MAPK10: variants seen among roughly 807,000 people sequenced by gnomAD.
MAPK10 encodes the protein mitogen-activated protein kinase 10.
In MAPK10, 25 loss-of-function variants were observed where a neutral mutation model predicts 59.3. The observed-to-expected ratio is 0.42, with a 90% CI of 0.31 to 0.59. MAPK10 has a LOEUF of 0.59. Ranked by LOEUF, MAPK10 falls within the 20% of genes least tolerant of loss-of-function variation. The pLI, the probability that MAPK10 is intolerant of heterozygous loss-of-function variation, is 0.15. For synonymous variants in MAPK10, 190 were observed against 200.5 expected, an observed-to-expected ratio of 0.95 and a Z score of 0.44; for missense variants, 351 against 568.9, an observed-to-expected ratio of 0.62 and a Z score of 3.90.
intron 1 of MAPK10, among the ~76,000 whole-genome samples, chr4:86,464,930 T>G (rs1752066359): frequency 1.3e-5 from 2 of 152,248 alleles, no homozygotes; most frequent in Non-Finnish European, 2.9e-5. Flanking sequence ...TAGTTGCTAA[T>G]GCAATATCTA....
intron 1 of MAPK10, among the ~76,000 whole-genome samples, chr4:86,440,030 A>G (rs1749227221): frequency 1.3e-5 from 2 of 152,190 alleles, no homozygotes. Context: ...GTGGGAATAC[A>G]AATTTTTCTT....
intron 1 of MAPK10, among the ~76,000 whole-genome samples, chr4:86,579,460 G>A (rs1319961020): frequency 6.6e-6 from 1 of 151,198 alleles, no homozygotes; most frequent in African/African-American, 2.4e-5. Context: ...CATTTTTATA[G>A]TCTGAATCCT....
intron 1 of MAPK10, among the ~76,000 whole-genome samples, chr4:86,374,371 G>A (rs111925337): frequency 2.9e-4 from 44 of 152,070 alleles, no homozygotes; most frequent in African/African-American, 9.2e-4. Flanking sequence ...AAACCTGCAC[G>A]TTCTGCACAT....
At chr4:86,249,752 A>G (rs564469826) in intron 2 of MAPK10, among the ~76,000 whole-genome samples, 1 of 152,286 alleles carries the variant, frequency 6.6e-6, no homozygotes, top group East Asian at 1.9e-4. Flanking sequence ...TCCCATATTA[A>G]ATACTCTTTT....
chr4:86,529,150 T>C (rs1012348167), intron 1 of MAPK10, among the ~76,000 whole-genome samples: 1 of 152,218 alleles, frequency 6.6e-6, no homozygotes, highest in African/African-American at 2.4e-5. Flanking sequence ...TGGTAACCAC[T>C]AGTTTAGCCT....
intron 1 of MAPK10, among the ~76,000 whole-genome samples, chr4:86,482,360 G>A (rs756375820): frequency 1.4e-4 from 21 of 152,068 alleles, no homozygotes; most frequent in Non-Finnish European, 2.5e-4. Context: ...ACAATAGTCA[G>A]TCCACCAACA....
At chr4:86,285,908 C>T (rs1033303861) in intron 2 of MAPK10, among the ~76,000 whole-genome samples, 15 of 152,252 alleles carry the variant, frequency 9.9e-5, no homozygotes, top group Non-Finnish European at 2.2e-4. Context: ...GGATGGATAT[C>T]CGAGCTCAAA....
At chr4:86,048,124 C>T (rs1337667974) in intron 11 of MAPK10, among the ~76,000 whole-genome samples, 3 of 152,004 alleles carry the variant, frequency 2.0e-5, no homozygotes, top group African/African-American at 4.8e-5. Context: ...GAGAAGTGCT[C>T]AGCAGAGTAC....
At chr4:86,387,924 G>A (rs1001551235) in intron 1 of MAPK10, among the ~76,000 whole-genome samples, 3 of 150,938 alleles carry the variant, frequency 2.0e-5, no homozygotes, top group African/African-American at 7.3e-5. Context: ...CTAGAAAGTT[G>A]TCTCTTTAAA....
chr4:86,316,942 T>C (rs1041766212), intron 2 of MAPK10, among the ~76,000 whole-genome samples: 1 of 152,174 alleles, frequency 6.6e-6, no homozygotes, highest in Non-Finnish European at 1.5e-5. Context: ...AAAAAGCTTC[T>C]AATTAATACT....
chr4:86,155,798 C>T (rs2067597455), intron 4 of MAPK10, among the ~76,000 whole-genome samples: 1 of 152,038 alleles, frequency 6.6e-6, no homozygotes, highest in Non-Finnish European at 1.5e-5. Flanking sequence ...AAAGGAAGCA[C>T]TTTACTGCAT....
At position 86,481,289 on chromosome 4, in the gene MAPK10, G is replaced by C. The variant is rs557006465; in HGVS notation, c.-263+112621C>G. On this transcript the variant is annotated intron_variant, in intron 1 of 4. Coordinates refer to the MAPK10 transcript ENST00000502302. ...GAGACAGGAGGGCAGGAGAAAATCA[G>C]AGAGACCTTGCTTCAGAGGCCTTCT... Among the ~76,000 whole-genome samples, 6 of 152,234 alleles carry C rather than the reference G, an allele frequency of 3.9e-5. No homozygotes were observed. In the East Asian group the frequency reaches 1.2e-3, roughly 30 times the overall value.
chr4:86,318,340 C>T (rs1028818571), intron 2 of MAPK10, among the ~76,000 whole-genome samples: 4 of 151,980 alleles, frequency 2.6e-5, no homozygotes, highest in African/African-American at 9.7e-5. Context: ...AAAGGAGTAT[C>T]ATAATTTGGG....
At chr4:86,176,664 T>C (rs1421250285) in intron 3 of MAPK10, among the ~76,000 whole-genome samples, 1 of 152,030 alleles carries the variant, frequency 6.6e-6, no homozygotes, top group Non-Finnish European at 1.5e-5. Context: ...CTGCTCAGCA[T>C]ATAAAACAGA....
chr4:86,443,558 G>A (rs1053741887), intron 1 of MAPK10, among the ~76,000 whole-genome samples: 3 of 151,828 alleles, frequency 2.0e-5, no homozygotes, highest in Non-Finnish European at 2.9e-5. Flanking sequence ...GCACAGCCTC[G>A]CTGAAAGACG....
At chr4:86,589,010 C>G (rs2149116167) in intron 1 of MAPK10, among the ~76,000 whole-genome samples, 1 of 152,164 alleles carries the variant, frequency 6.6e-6, no homozygotes, top group Admixed American at 6.5e-5. Flanking sequence ...GGGGGGAAAG[C>G]TGAATTATTA....
chr4:86,547,767 A>G (rs1468620841), intron 1 of MAPK10, among the ~76,000 whole-genome samples: 1 of 152,204 alleles, frequency 6.6e-6, no homozygotes, highest in Non-Finnish European at 1.5e-5. Flanking sequence ...AAATACACCA[A>G]TCAGCACTCT....
intron 1 of MAPK10, among the ~76,000 whole-genome samples, chr4:86,374,452 G>GCA (rs1329876505): frequency 6.6e-6 from 1 of 152,088 alleles, no homozygotes; most frequent in East Asian, 1.9e-4. Flanking sequence ...GAAGGTCTTT[G>GCA]CACACACTCA....
rs1301525993 is a variant in MAPK10 at position 86,483,434 on chromosome 4, ATAAG to A, written c.-263+110472_-263+110475del. On this transcript the variant is annotated intron_variant, in intron 1 of 4. Transcript: ENST00000502302. ...AATCACTTTATAATTACTTCTACTG[ATAAG>A]TAAGAATATAGAACAAACTAGAGAG... Among the ~76,000 whole-genome samples, 7 of 152,308 alleles carry A rather than the reference ATAAG, an allele frequency of 4.6e-5. No homozygotes were observed. The East Asian group carries it at 1.3e-3, about 29-fold the overall frequency.
Sources: gnomAD v4.1 joint callset for allele counts (sites outside exome capture counted in the v4.1 genomes callset) on GRCh38, gnomAD v4.1.1 for gene constraint, MANE v1.5 for transcripts, NCBI Gene and HGNC (gene_info 2026-07-23, HGNC 2026-07-21) for gene names.